SMIM10L3: variants seen among roughly 807,000 people sequenced by gnomAD.
SMIM10L3 encodes small integral membrane protein 10 like 3.
chr7:6,340,883 A>G, the SMIM10L3 span, among the ~76,000 whole-genome samples: 1 of 129,288 alleles, frequency 7.7e-6, no homozygotes, highest in South Asian at 2.9e-4. Context: ...TGGGCGACAG[A>G]GTGAGACTCC....
the SMIM10L3 span, among the ~76,000 whole-genome samples, chr7:6,336,810 AC>A: frequency 6.6e-6 from 1 of 151,816 alleles, no homozygotes; most frequent in African/African-American, 2.4e-5. Context: ...GTGTGCCACC[AC>A]ATCCAGCTAA....
At chr7:6,348,860 G>A in the SMIM10L3 span, 5 of 390,858 alleles carry the variant, frequency 1.3e-5, no homozygotes, top group East Asian at 1.5e-4. Context: ...GAAGGAGGCG[G>A]CGGCTAGACC....
the SMIM10L3 span, among the ~76,000 whole-genome samples, chr7:6,334,665 C>T: frequency 2.0e-5 from 3 of 151,872 alleles, no homozygotes; most frequent in African/African-American, 4.8e-5. Context: ...TGGGGTTCCA[C>T]GAGTTGCCCA....
chr7:6,331,019 A>G, the SMIM10L3 span: 1 of 1,614,016 alleles, frequency 6.2e-7, no homozygotes, highest in Non-Finnish European at 8.5e-7. Flanking sequence ...TTATTCATCC[A>G]GGAGGGTGCA....
chr7:6,338,920 G>A, the SMIM10L3 span, among the ~76,000 whole-genome samples: 1 of 152,182 alleles, frequency 6.6e-6, no homozygotes, highest in Non-Finnish European at 1.5e-5. Flanking sequence ...CCGCACGCAA[G>A]GAGAGCTCAC....
chr7:6,330,724 T>C, the SMIM10L3 span: 14 of 1,614,036 alleles, frequency 8.7e-6, no homozygotes, highest in East Asian at 2.5e-4. Context: ...TTTGGGGCAC[T>C]GTCCTCTGTG....
chr7:6,331,066 A>C, the SMIM10L3 span: 118 of 1,613,572 alleles, frequency 7.3e-5, no homozygotes, highest in Non-Finnish European at 9.3e-5. Flanking sequence ...TCTTTTCTTA[A>C]GGCTGCATGA....
At chr7:6,331,130 C>T in the SMIM10L3 span, 27 of 1,612,872 alleles carry the variant, frequency 1.7e-5, no homozygotes, top group East Asian at 4.5e-5. Flanking sequence ...AGGCAGGTGC[C>T]GAGGGGCCCT....
the SMIM10L3 span, among the ~76,000 whole-genome samples, chr7:6,340,769 G>A: frequency 6.6e-6 from 1 of 151,472 alleles, no homozygotes; most frequent in Non-Finnish European, 1.5e-5. Flanking sequence ...CGTGGTGGTG[G>A]GCACCTATAG....
chr7:6,343,431 T>C, the SMIM10L3 span, among the ~76,000 whole-genome samples: 2 of 97,398 alleles, frequency 2.1e-5, no homozygotes, highest in East Asian at 1.2e-3. Context: ...TATATATATA[T>C]ATATATATAT....
the SMIM10L3 span, chr7:6,330,750 G>C: frequency 6.2e-7 from 1 of 1,614,134 alleles, no homozygotes; most frequent in Non-Finnish European, 8.5e-7. Flanking sequence ...CAGTGGCCCT[G>C]GGCCCTCCTC....
At chr7:6,348,909 T>C in the SMIM10L3 span, 2 of 385,366 alleles carry the variant, frequency 5.2e-6, no homozygotes, top group African/African-American at 2.1e-5. Context: ...AGTCCGCACG[T>C]CACGCTCGGA....
chr7:6,339,624 C>T, the SMIM10L3 span, among the ~76,000 whole-genome samples: 28 of 152,002 alleles, frequency 1.8e-4, no homozygotes, highest in South Asian at 5.0e-3. Context: ...GCTGGGACTA[C>T]AGGCGCCCGC....
the SMIM10L3 span, among the ~76,000 whole-genome samples, chr7:6,332,761 G>A: frequency 6.6e-6 from 1 of 152,208 alleles, no homozygotes; most frequent in South Asian, 2.1e-4. Context: ...AGCTGAAAGT[G>A]GCTGACGGGG....
the SMIM10L3 span, among the ~76,000 whole-genome samples, chr7:6,338,442 G>A: frequency 6.6e-6 from 1 of 152,148 alleles, no homozygotes; most frequent in Non-Finnish European, 1.5e-5. Flanking sequence ...CCAGAATGAT[G>A]GAAGGAGTCT....
At chr7:6,331,272 G>T in the SMIM10L3 span, 2 of 1,000,086 alleles carry the variant, frequency 2.0e-6, no homozygotes, top group South Asian at 3.5e-5. Flanking sequence ...CTAAAATGAA[G>T]ACACATGGGT....
chr7:6,337,491 C>A, the SMIM10L3 span, among the ~76,000 whole-genome samples: 1 of 151,842 alleles, frequency 6.6e-6, no homozygotes, highest in South Asian at 2.1e-4. Context: ...AAGTTTCTAA[C>A]CATTTTTAGT....
chr7:6,331,289 A>C, the SMIM10L3 span: 2 of 786,070 alleles, frequency 2.5e-6, no homozygotes, highest in Non-Finnish European at 4.0e-6. Context: ...GGGTCTTAAG[A>C]GCATCTACAC....
the SMIM10L3 span, among the ~76,000 whole-genome samples, chr7:6,335,523 C>G: frequency 7.8e-6 from 1 of 128,512 alleles, no homozygotes; most frequent in Admixed American, 8.1e-5. Context: ...CCTCCGTGCC[C>G]AGCCTAGCCG....
Sources: allele counts gnomAD v4.1 joint callset (sites outside exome capture counted in the v4.1 genomes callset), GRCh38; gene constraint gnomAD v4.1.1; transcripts MANE v1.5; gene names NCBI Gene and HGNC (gene_info 2026-07-23, HGNC 2026-07-21).